The following DMD variants were observed in gnomAD, a reference collection of about 807,000 sequenced individuals.
The protein encoded by DMD is mutant dystrophin.
In DMD, 63 loss-of-function variants were observed where a neutral mutation model predicts 330.1. The ratio of observed to expected loss-of-function variants is 0.19; its 90% CI spans 0.16 to 0.24. The LOEUF (loss-of-function observed/expected upper bound fraction) is 0.24, where lower values mean the gene tolerates loss of function less well. DMD is among the 10% of genes least tolerant of loss of function. The pLI is 1.00. For synonymous variants in DMD, 1,223 were observed against 959.8 expected (o/e 1.27, Z -5.07); for missense variants, 3,344 against 2,684.1 (o/e 1.25, Z -5.43).
At chrX:31,831,750 C>T (rs888795126) in intron 49 of DMD, among the ~76,000 whole-genome samples, 1 of 110,699 alleles carries the variant, frequency 9.0e-6, no homozygotes, top group Admixed American at 9.6e-5. Context: ...AGATGCCTGC[C>T]ACCAAGCCCG....
chrX:33,321,648 G>A (rs1436397113), intron 1 of DMD, among the ~76,000 whole-genome samples: 2 of 111,125 alleles, frequency 1.8e-5, no homozygotes, highest in Admixed American at 1.9e-4. Flanking sequence ...TTAGACTCTA[G>A]CAAAAGAATC....
chrX:32,954,266 T>C (rs2091437822), intron 2 of DMD, among the ~76,000 whole-genome samples: 1 of 112,203 alleles, frequency 8.9e-6, no homozygotes, highest in African/African-American at 3.2e-5. Context: ...CTATGAGAGA[T>C]ACTTTGGATT....
At chrX:32,727,317 T>C (rs2067000050) in intron 7 of DMD, among the ~76,000 whole-genome samples, 1 of 110,934 alleles carries the variant, frequency 9.0e-6, no homozygotes, top group Admixed American at 9.7e-5. Context: ...CTAAAGTAGG[T>C]GGAACAAGAA....
intron 7 of DMD, among the ~76,000 whole-genome samples, chrX:32,774,103 A>G (rs2073909232): frequency 8.9e-6 from 1 of 112,181 alleles, no homozygotes; most frequent in Non-Finnish European, 1.9e-5. Flanking sequence ...AGATGTTAAG[A>G]TTAGGGATGT....
At chrX:32,803,901 A>T (rs1435996558) in intron 7 of DMD, among the ~76,000 whole-genome samples, 1 of 112,023 alleles carries the variant, frequency 8.9e-6, no homozygotes, top group Admixed American at 9.4e-5. Context: ...GAATAAGTGC[A>T]ATGTGGTGCT....
At position 31,507,445 on chromosome X, in the gene DMD, T is replaced by C. The variant is rs746514008; in HGVS notation, c.8226A>G (p.Gln2742=). The change falls in exon 56 of 79, where the codon CAA becomes CAG. Residue 2742 remains glutamine, a synonymous_variant. Coordinates refer to ENST00000357033, the MANE Select transcript of DMD (RefSeq NM_004006.3). The part of the protein sequence containing the change: ...KELMKQWQDL[Q]GEIEAHTDVY... The stretch of plus-strand genomic sequence containing the variant: ...CATCTGTGTGAGCTTCAATTTCACC[T>C]TGGAGGTCCTACAGGACAGCAGGAA... 102 of 1,202,194 alleles carry C rather than the reference T, an allele frequency of 8.5e-5. 1 individual carries two copies. The Middle Eastern group carries it at 1.8e-3, about 22-fold the overall frequency.
Position 32,783,135 on chromosome X carries a change from G to GTA in DMD, c.649+26356_649+26357dup, listed in dbSNP as rs200400820. ...ACACACCATATGTATATACATATAT[G>GTA]TATATATATATACCATATATATAGA... On this transcript the variant is annotated intron_variant, in intron 7 of 78. Coordinates refer to ENST00000357033, the MANE Select transcript of DMD (RefSeq NM_004006.3). 8.0e-3 allele frequency among the ~76,000 whole-genome samples: 762 copies of GTA among 95,382 alleles called. 3 individuals carry two copies. Among genetic ancestry groups the GTA allele is most frequent in the African/African-American group, 0.025 (661 of 26,063 alleles). 82.8% of individuals were successfully genotyped at this position (95,382 alleles called of 115,157 possible).
chrX:31,431,117 T>C (rs16989625), intron 60 of DMD, among the ~76,000 whole-genome samples: 24,868 of 109,700 alleles, frequency 0.23, 3,185 homozygotes, highest in African/African-American at 0.47. Flanking sequence ...GGTCTTTTTA[T>C]ATTTCCTCAG....
chrX:33,046,160 G>C (rs1172909095), intron 1 of DMD, among the ~76,000 whole-genome samples: 1 of 111,473 alleles, frequency 9.0e-6, no homozygotes, highest in African/African-American at 3.3e-5. Flanking sequence ...GTGGAGGCTA[G>C]AGTCCTAACA....
rs1017807905 is a variant in DMD, at chrX:31,396,384, G to A, written c.9085-47750C>T. Among the ~76,000 whole-genome samples, 15 of 109,620 alleles carry A rather than the reference G, an allele frequency of 1.4e-4. No homozygotes were observed. In the East Asian group the frequency reaches 2.0e-3, roughly 15 times the overall value. ...CATCTCCTGACCTCGTGATCCGCCC[G>A]CCTCGGCCTCCCAAAGTGCTGGGAT... On this transcript the variant is annotated intron_variant, in intron 60 of 78. Transcript: ENST00000357033.
At chrX:31,917,574 C>T (rs2094625724) in intron 47 of DMD, among the ~76,000 whole-genome samples, 1 of 112,393 alleles carries the variant, frequency 8.9e-6, no homozygotes, top group African/African-American at 3.2e-5. Context: ...GCCAGGATTG[C>T]CTTCTCTCAC....
chrX:32,771,086 G>A (rs1465327101), intron 7 of DMD, among the ~76,000 whole-genome samples: 1 of 111,850 alleles, frequency 8.9e-6, no homozygotes, highest in Non-Finnish European at 1.9e-5. Context: ...AATGAGCCTG[G>A]ATCTGACTAG....
Position 31,679,432 on chromosome X carries a change from T to C in DMD, c.7815A>G (p.Ser2605=), listed in dbSNP as rs2148732803. The C allele has an allele frequency of 8.3e-7, 1 of 1,211,773 alleles. No homozygotes were observed. Among genetic ancestry groups the C allele is most frequent in the Non-Finnish European group, 1.1e-6 (1 of 895,419 alleles). The change falls in exon 53 of 79, where the codon TCA becomes TCG. Residue 2605 remains serine (S), a synonymous_variant. Coordinates refer to ENST00000357033, the MANE Select transcript of DMD (RefSeq NM_004006.3). ...VLGQARAKLE[S]WKEGPYTVDA... is the part of the protein sequence containing the mutation. Reference sequence around the variant, plus strand: ...CTACTGTATAGGGACCCTCCTTCCATGACTCAAGCTTGGCTCTGGCCTGTC... The same window carrying C: ...CTACTGTATAGGGACCCTCCTTCCACGACTCAAGCTTGGCTCTGGCCTGTC...
chrX:32,097,913 TAA>T (rs1170935263), intron 44 of DMD, among the ~76,000 whole-genome samples: 1 of 111,734 alleles, frequency 8.9e-6, no homozygotes, highest in Non-Finnish European at 1.9e-5. Context: ...TTTTGACTAA[TAA>T]AGTCAATATG....
At chrX:32,440,622 T>C (rs1316040679) in intron 28 of DMD, among the ~76,000 whole-genome samples, 2 of 111,624 alleles carry the variant, frequency 1.8e-5, no homozygotes, top group African/African-American at 6.5e-5. Flanking sequence ...AAAGTCAAGT[T>C]TATAAATGCA....
At chrX:32,428,863 C>T (rs1410035221) in intron 29 of DMD, among the ~76,000 whole-genome samples, 1 of 111,702 alleles carries the variant, frequency 9.0e-6, no homozygotes, top group African/African-American at 3.3e-5. Context: ...CCACCCACCT[C>T]GGCCTCTCAA....
At chrX:32,900,335 C>A (rs911800760) in intron 2 of DMD, among the ~76,000 whole-genome samples, 1 of 110,472 alleles carries the variant, frequency 9.1e-6, no homozygotes, top group Admixed American at 9.7e-5. Flanking sequence ...GAGTATTAGT[C>A]ATATTCTAGT....
rs776950959 is a variant in DMD, at chrX:31,321,664, G to A, written c.9224+1934C>T. On this transcript the variant is annotated intron_variant, in intron 62 of 78. Coordinates refer to ENST00000357033, the MANE Select transcript of DMD (RefSeq NM_004006.3). ...GTGACTTGCCTAAAGCCATACAGTC[G>A]CCTAATGACAGAGCCTCTAAGACTA... Among the ~76,000 whole-genome samples, 12 of 104,048 alleles carry A rather than the reference G, an allele frequency of 1.2e-4. No homozygotes were observed. The South Asian group carries it at 2.3e-3, about 20-fold the overall frequency. 90.4% of individuals were successfully genotyped at this position (104,048 alleles called of 115,157 possible).
chrX:32,962,460 C>T (rs538132589), intron 2 of DMD, among the ~76,000 whole-genome samples: 30 of 111,404 alleles, frequency 2.7e-4, no homozygotes, highest in African/African-American at 9.4e-4. Context: ...GAGCATAGGG[C>T]TTTTTATTTC....
Sources: allele counts gnomAD v4.1 joint callset (sites outside exome capture counted in the v4.1 genomes callset), GRCh38; gene constraint gnomAD v4.1.1; transcripts MANE v1.5; gene names NCBI Gene and HGNC (gene_info 2026-07-23, HGNC 2026-07-21).